The following PPP1R14D variants were observed in gnomAD, a reference collection of about 807,000 sequenced individuals.
The protein encoded by PPP1R14D is protein phosphatase 1 regulatory subunit 14D.
A neutral mutation model predicts 17.1 loss-of-function variants in PPP1R14D; 14 were observed. The observed-to-expected ratio is 0.82, with a 90% CI of 0.54 to 1.28. The LOEUF is 1.28. Ranked by LOEUF, PPP1R14D falls within the 50% of genes most tolerant of loss-of-function variation. PPP1R14D has a pLI of 0.00. For missense variants in PPP1R14D, 173 were observed against 179.2 expected (o/e 0.97, Z 0.20); for synonymous variants, 67 against 66.1 (o/e 1.01, Z -0.06).
intron 1 of PPP1R14D, among the ~76,000 whole-genome samples, chr15:40,818,646 G>C (rs1260516144): frequency 1.3e-5 from 2 of 152,150 alleles, no homozygotes; most frequent in Non-Finnish European, 2.9e-5. Context: ...CCAACAGTAA[G>C]ACCTGCTGGA....
At chr15:40,816,563 A>G (rs1412854975) in intron 1 of PPP1R14D, among the ~76,000 whole-genome samples, 1 of 151,420 alleles carries the variant, frequency 6.6e-6, no homozygotes, top group African/African-American at 2.4e-5. Flanking sequence ...AAATACAAAA[A>G]TAAGCCGGGC....
chr15:40,818,169 G>A lies in PPP1R14D; in HGVS notation c.256-1916C>T, dbSNP rs1279358590. The stretch of plus-strand genomic sequence containing the variant: ...GCTGGGCGTGGTGGTGGGTGCCTGT[G>A]TCCCAGCTACTCGGGAGGCTGAGGC... On this transcript the variant is annotated intron_variant, in intron 1 of 3. Transcript: ENST00000299174. Among the ~76,000 whole-genome samples, 9 of 44,682 alleles carry A rather than the reference G, an allele frequency of 2.0e-4. No homozygotes were observed. The African/African-American group carries it at 2.3e-3, about 12-fold the overall frequency. 29.3% of individuals were successfully genotyped at this position (44,682 alleles called of 152,430 possible).
intron 1 of PPP1R14D, among the ~76,000 whole-genome samples, chr15:40,817,567 A>G (rs1448079759): frequency 6.6e-6 from 1 of 151,088 alleles, no homozygotes; most frequent in African/African-American, 2.4e-5. Context: ...GCAAAATGGT[A>G]TGGCTACTTT....
intron 1 of PPP1R14D, among the ~76,000 whole-genome samples, chr15:40,827,699 CTGTT>C (rs1244260484): frequency 6.6e-6 from 1 of 151,988 alleles, no homozygotes; most frequent in African/African-American, 2.4e-5. Flanking sequence ...GGCAGGCAGA[CTGTT>C]TGAGCCAAGG....
chr15:40,824,131 C>T (rs796277121), intron 1 of PPP1R14D, among the ~76,000 whole-genome samples: 9 of 152,180 alleles, frequency 5.9e-5, no homozygotes, highest in African/African-American at 2.2e-4. Context: ...ACAACCCCTA[C>T]TGAGATGAAC....
chr15:40,822,631 T>G (rs1353308663), intron 1 of PPP1R14D, among the ~76,000 whole-genome samples: 2 of 151,924 alleles, frequency 1.3e-5, no homozygotes, highest in Non-Finnish European at 2.9e-5. Flanking sequence ...TTGCATTTTT[T>G]TAGGAGAGAC....
intron 1 of PPP1R14D, among the ~76,000 whole-genome samples, chr15:40,823,632 C>T (rs1890821816): frequency 6.6e-6 from 1 of 152,120 alleles, no homozygotes; most frequent in African/African-American, 2.4e-5. Flanking sequence ...CATTACATTA[C>T]AGCTGCCCAC....
In PPP1R14D at chr15:40,821,007, A is replaced by G. The variant is rs538157078; in HGVS notation, c.256-4754T>C. Among the ~76,000 whole-genome samples, 6 of 149,976 alleles carry G rather than the reference A, an allele frequency of 4.0e-5. No individual in the cohort carries two copies. In the East Asian group the frequency reaches 9.9e-4, roughly 25 times the overall value. ...TTGAGACCAGCCTGAGCAACATAGC[A>G]AGAACTCTTCTCCATTAAAAAAAAA... On this transcript the variant is annotated intron_variant, in intron 1 of 3. Coordinates refer to ENST00000299174, the MANE Select transcript of PPP1R14D (RefSeq NM_017726.8).
At chr15:40,817,118 A>G (rs987200602) in intron 1 of PPP1R14D, 1 of 161,386 alleles carries the variant, frequency 6.2e-6, no homozygotes, top group Non-Finnish European at 1.4e-5. Context: ...GCACTTTGGG[A>G]GGCCAAGGCG....
In PPP1R14D at chr15:40,817,352, CAA is replaced by C. The variant is rs578000701; in HGVS notation, c.256-1101_256-1100del. 4.3e-3 allele frequency: 259 copies of C among 60,914 alleles called. 3 individuals carry two copies. The East Asian group carries it at 0.058, about 14-fold the overall frequency. The allele number at this position is 60,914 out of a possible 1,614,324, so 3.8% of individuals were successfully genotyped here. A position where few individuals can be genotyped will look rare whatever the true frequency, so the allele number is the denominator to read the frequency against. ...CCTGGGTGACAGAGCAAGACTCTGT[CAA>C]AAAAAAAAAAAAAAAAATTAAATTA... is the stretch of plus-strand genomic sequence containing the variant. On this transcript the variant is annotated intron_variant, in intron 1 of 3. Transcript: ENST00000299174.
intron 3 of PPP1R14D, 45 bp downstream of exon 3, chr15:40,815,917 A>G: frequency 6.3e-7 from 1 of 1,586,126 alleles, no homozygotes; most frequent in South Asian, 1.1e-5. Flanking sequence ...TACCTCCCCC[A>G]TTGGGCCTCC....
At chr15:40,823,996 T>TA (rs397943870) in intron 1 of PPP1R14D, among the ~76,000 whole-genome samples, 10,653 of 126,394 alleles carry the variant, frequency 0.084, 1,049 homozygotes, top group African/African-American at 0.25. Context: ...CCATCTCCAT[T>TA]AAAAAAAAAA....
intron 1 of PPP1R14D, among the ~76,000 whole-genome samples, chr15:40,828,106 G>C (rs796811428): frequency 5.9e-5 from 9 of 152,262 alleles, no homozygotes; most frequent in African/African-American, 2.2e-4. Context: ...TTGAGCCTCA[G>C]AAAGTCCTAT....
Position 40,815,683 on chromosome 15 carries a change from TG to T in PPP1R14D, c.*12del, listed in dbSNP as rs1480017660. On this transcript the variant is annotated 3_prime_UTR_variant, in exon 4 of 4. Coordinates refer to ENST00000299174, the MANE Select transcript of PPP1R14D (RefSeq NM_017726.8). Reference sequence around the variant, plus strand: ...CTGGCAGTGCTGAGGCTGCTAAAGATGGTCTCTCAGGCTTATTTCTGAGGCC... The same window carrying T: ...CTGGCAGTGCTGAGGCTGCTAAAGATGTCTCTCAGGCTTATTTCTGAGGCC... The T allele has an allele frequency of 6.2e-7, 1 of 1,613,668 alleles. No individual in the cohort carries two copies. The highest frequency in any genetic ancestry group is 1.7e-5 in the Admixed American group (1 of 59,972).
At chr15:40,821,670 G>A (rs541189571) in intron 1 of PPP1R14D, among the ~76,000 whole-genome samples, 1 of 152,088 alleles carries the variant, frequency 6.6e-6, no homozygotes, top group South Asian at 2.1e-4. Context: ...GCTCATGCCT[G>A]TAATCCCAGC....
chr15:40,823,689 A>T (rs1890822611), intron 1 of PPP1R14D, among the ~76,000 whole-genome samples: 1 of 152,202 alleles, frequency 6.6e-6, no homozygotes. Flanking sequence ...GCCTAGGAAT[A>T]ATAGCTACAC....
At chr15:40,826,691 G>A (rs776448873) in intron 1 of PPP1R14D, among the ~76,000 whole-genome samples, 1 of 152,188 alleles carries the variant, frequency 6.6e-6, no homozygotes, top group Non-Finnish European at 1.5e-5. Flanking sequence ...CTGCTGGCCA[G>A]GCATGGTGGC....
In PPP1R14D at chr15:40,819,703, T is replaced by C. The variant is rs1485908870; in HGVS notation, c.256-3450A>G. 3.3e-5 allele frequency among the ~76,000 whole-genome samples: 5 copies of C among 152,196 alleles called. No individual in the cohort carries two copies. The East Asian group carries it at 9.6e-4, about 29-fold the overall frequency. Reference sequence around the variant, plus strand: ...TTTCTGTTGAGATTTTCAGTTTTTTTCTTACTGATTTAAGAACTCTTTCTT... The same window carrying C: ...TTTCTGTTGAGATTTTCAGTTTTTTCCTTACTGATTTAAGAACTCTTTCTT... On this transcript the variant is annotated intron_variant, in intron 1 of 3. Transcript: ENST00000299174.
rs760046191 is a variant in PPP1R14D, at chr15:40,815,711, G to A, written c.423C>T (p.Ser141=). 20 of 1,613,694 alleles carry A rather than the reference G, an allele frequency of 1.2e-5. No homozygotes were observed. In the South Asian group the frequency reaches 2.0e-4, roughly 16 times the overall value. Residue 141 remains serine (S), a synonymous_variant, in exon 4 of 4, where the codon AGC becomes AGT. Coordinates refer to ENST00000299174, the MANE Select transcript of PPP1R14D (RefSeq NM_017726.8). The stretch of plus-strand genomic sequence containing the variant: ...TCTCTCAGGCTTATTTCTGAGGCCG[G>A]CTGAGTCTCCGGAGTTTCTTGAGTT... ...LSQLKKLRRL[S]RPQK
Sources: gnomAD v4.1 joint callset for allele counts (sites outside exome capture counted in the v4.1 genomes callset) on GRCh38, gnomAD v4.1.1 for gene constraint, MANE v1.5 for transcripts, NCBI Gene and HGNC (gene_info 2026-07-23, HGNC 2026-07-21) for gene names.